The following RAP1B variants were observed in gnomAD, a reference collection of about 807,000 sequenced individuals.
The protein encoded by RAP1B is ras-related protein Rap-1b.
A neutral mutation model predicts 27.5 loss-of-function variants in RAP1B; 1 was observed. The ratio of observed to expected loss-of-function variants is 0.04; its 90% CI spans 0.01 to 0.17. The LOEUF is 0.17. RAP1B is among the 10% of genes least tolerant of loss of function. RAP1B has a pLI of 1.00. For synonymous variants in RAP1B, 75 were observed against 73.1 expected (o/e 1.03, Z -0.13); for missense variants, 84 against 214.8 (o/e 0.39, Z 3.81).
At position 68,664,999 on chromosome 12, in the gene RAP1B, A is replaced by G. The variant is rs1021209340; in HGVS notation, c.*5750A>G. 6.6e-5 allele frequency: 10 copies of G among 152,022 alleles called. No individual in the cohort carries two copies. Among genetic ancestry groups the G allele is most frequent in the African/African-American group, 2.4e-4 (10 of 41,390 alleles). The allele number at this position is 152,022 out of a possible 1,614,324, so 9.4% of individuals were successfully genotyped here. On this transcript the variant is annotated 3_prime_UTR_variant, in exon 8 of 8. Coordinates refer to ENST00000250559, the MANE Select transcript of RAP1B (RefSeq NM_001010942.3). Reference sequence around the variant, plus strand: ...TAATGAAAAACTATGTGGCTGGCAGAAAAAAATAAGTGCGTGTGGTGGTGC... The same window carrying G: ...TAATGAAAAACTATGTGGCTGGCAGGAAAAAATAAGTGCGTGTGGTGGTGC...
intron 1 of RAP1B, among the ~76,000 whole-genome samples, chr12:68,639,500 GAA>G (rs1872845102): frequency 6.6e-6 from 1 of 152,190 alleles, no homozygotes; most frequent in African/African-American, 2.4e-5. Context: ...TCATGAAGGA[GAA>G]TGATCACTGT....
rs1169328010 is a variant in RAP1B at position 68,651,930 on chromosome 12, T to G, written c.127-65T>G. 10 of 1,238,708 alleles carry G rather than the reference T, an allele frequency of 8.1e-6. No individual in the cohort carries two copies. In the African/African-American group the frequency reaches 1.3e-4, roughly 17 times the overall value. The allele number at this position is 1,238,708 out of a possible 1,614,324, so 76.7% of individuals were successfully genotyped here. A position where few individuals can be genotyped will look rare whatever the true frequency, so the allele number is the denominator to read the frequency against. The stretch of plus-strand genomic sequence containing the variant: ...CTTATTTTTGATACATTAGCTTTTT[T>G]GTGTATATTAAGGTAGTTTTATGTA... On this transcript the variant is annotated intron_variant, in intron 3 of 7. Transcript: ENST00000250559.
chr12:68,624,680 G>A (rs1331491612), intron 1 of RAP1B: 1 of 152,230 alleles, frequency 6.6e-6, no homozygotes, highest in Non-Finnish European at 1.5e-5. Context: ...GCCAGGCATG[G>A]TGGTGTGTTC....
chr12:68,636,914 A>G (rs1264355445), intron 1 of RAP1B, among the ~76,000 whole-genome samples: 3 of 151,490 alleles, frequency 2.0e-5, no homozygotes, highest in Non-Finnish European at 1.5e-5. Context: ...TCAGCCTCCC[A>G]ATGTGCTGAG....
intron 1 of RAP1B, among the ~76,000 whole-genome samples, chr12:68,620,966 TAGTTA>T (rs1448272987): frequency 2.0e-5 from 3 of 152,208 alleles, no homozygotes; most frequent in Non-Finnish European, 4.4e-5. Flanking sequence ...TTAAGAAAGA[TAGTTA>T]AGTTACAGTT....
rs1021925382 is a variant in RAP1B, at chr12:68,654,353, G to GA, written c.324+101_324+102insA. On this transcript the variant is annotated intron_variant, in intron 5 of 7. Transcript: ENST00000250559. ...TTTTAAAGCTTGTGTATTTTGGTTG[G>GA]GGGGGGGGTGTTGGTTTTTTTAAAC... 68 of 450,834 alleles carry GA rather than the reference G, an allele frequency of 1.5e-4. 6 individuals carry two copies. Among genetic ancestry groups the GA allele is most frequent in the Non-Finnish European group, 2.0e-4 (61 of 298,728 alleles). The allele number at this position is 450,834 out of a possible 1,614,324, so 27.9% of individuals were successfully genotyped here.
intron 1 of RAP1B, among the ~76,000 whole-genome samples, chr12:68,611,499 A>G (rs1268391246): frequency 6.6e-6 from 1 of 151,940 alleles, no homozygotes; most frequent in Non-Finnish European, 1.5e-5. Context: ...GGAAGTTAGA[A>G]CGGAAACCAG....
intron 1 of RAP1B, among the ~76,000 whole-genome samples, chr12:68,616,571 C>G (rs920191383): frequency 6.7e-6 from 1 of 149,526 alleles, no homozygotes; most frequent in African/African-American, 2.5e-5. Context: ...TTAGCTAGTA[C>G]TACAGGCGCA....
At position 68,664,711 on chromosome 12, in the gene RAP1B, A is replaced by AT. The variant is rs1874775348; in HGVS notation, c.*5462_*5463insT. The AT allele has an allele frequency of 6.6e-6, 1 of 152,028 alleles. No homozygotes were observed. The highest frequency in any genetic ancestry group is 2.4e-5 in the African/African-American group (1 of 41,382). 9.4% of individuals were successfully genotyped at this position (152,028 alleles called of 1,614,324 possible). The stretch of plus-strand genomic sequence containing the variant: ...GCAACAGAGTGAGACTGCAAAAAAA[A>AT]GAAAAAGAAAAAAAAATCCAGTCTC... On this transcript the variant is annotated 3_prime_UTR_variant, in exon 8 of 8. Coordinates refer to ENST00000250559, the MANE Select transcript of RAP1B (RefSeq NM_001010942.3).
At chr12:68,617,155 T>G (rs1434566709) in intron 1 of RAP1B, among the ~76,000 whole-genome samples, 1 of 152,254 alleles carries the variant, frequency 6.6e-6, no homozygotes. Context: ...TTCTAAGTTC[T>G]CAGTTAATAG....
intron 4 of RAP1B, among the ~76,000 whole-genome samples, chr12:68,652,511 G>A (rs976652191): frequency 7.9e-5 from 12 of 151,994 alleles, no homozygotes; most frequent in African/African-American, 2.7e-4. Context: ...TTGTTGTTCC[G>A]TTGAATCCTT....
At chr12:68,657,039 T>G in intron 6 of RAP1B, 62 bp from the exon 7 acceptor site, 1 of 1,371,810 alleles carries the variant, frequency 7.3e-7, no homozygotes. Context: ...TTCAATTTAC[T>G]TTTTTCATTG....
At chr12:68,638,680 G>C (rs1872789990) in intron 1 of RAP1B, among the ~76,000 whole-genome samples, 1 of 151,260 alleles carries the variant, frequency 6.6e-6, no homozygotes, top group Non-Finnish European at 1.5e-5. Flanking sequence ...TGTTTTTTGA[G>C]ACAGAGTCTC....
At position 68,612,198 on chromosome 12, in the gene RAP1B, T is replaced by C. The variant is rs577848884; in HGVS notation, c.-27+1155T>C. 1.4e-4 allele frequency among the ~76,000 whole-genome samples: 22 copies of C among 152,354 alleles called. No individual in the cohort carries two copies. The East Asian group carries it at 4.2e-3, about 29-fold the overall frequency. On this transcript the variant is annotated intron_variant, in intron 1 of 7. Transcript: ENST00000250559. ...TTTTGGTTTTGCAGGCAGCATCTCA[T>C]ATATGTCGAGTACTTAACAATTTAA... is the stretch of plus-strand genomic sequence containing the variant.
intron 1 of RAP1B, among the ~76,000 whole-genome samples, chr12:68,639,762 T>C (rs905434636): frequency 6.6e-6 from 1 of 152,198 alleles, no homozygotes; most frequent in Non-Finnish European, 1.5e-5. Flanking sequence ...TGCCCCTTTT[T>C]GCAGAGGAAG....
At chr12:68,629,696 TAAAC>T (rs1051720005) in intron 1 of RAP1B, among the ~76,000 whole-genome samples, 1 of 152,172 alleles carries the variant, frequency 6.6e-6, no homozygotes, top group Admixed American at 6.5e-5. Context: ...TGAATGATCT[TAAAC>T]AACTCAATCT....
At chr12:68,639,710 A>G (rs1013756808) in intron 1 of RAP1B, among the ~76,000 whole-genome samples, 3 of 152,220 alleles carry the variant, frequency 2.0e-5, no homozygotes, top group Admixed American at 6.5e-5. Flanking sequence ...ACAGCACCTC[A>G]TAAGACCAAC....
chr12:68,650,338 C>A, intron 2 of RAP1B, 62 bp from the exon 3 acceptor site: 5 of 1,329,856 alleles, frequency 3.8e-6, no homozygotes, highest in Non-Finnish European at 4.0e-6. Context: ...TTTACAATTA[C>A]ATTAAAGATT....
At chr12:68,623,838 C>T (rs7309715) in intron 1 of RAP1B, among the ~76,000 whole-genome samples, 27,305 of 152,084 alleles carry the variant, frequency 0.18, 3,071 homozygotes, top group South Asian at 0.45. Flanking sequence ...CTGGCTAACA[C>T]GGTGAAACCC....
Sources: gnomAD v4.1 joint callset for allele counts (sites outside exome capture counted in the v4.1 genomes callset) on GRCh38, gnomAD v4.1.1 for gene constraint, MANE v1.5 for transcripts, NCBI Gene and HGNC (gene_info 2026-07-23, HGNC 2026-07-21) for gene names.